Variants in PIWIL2 observed in about 807,000 individuals in gnomAD.
The protein encoded by PIWIL2 is piwi like RNA-mediated gene silencing 2, also known as piwi-like protein 2.
PIWIL2 carries 81 observed loss-of-function variants against 116.5 expected under a neutral mutation model. The ratio of observed to expected loss-of-function variants is 0.70; its 90% CI spans 0.58 to 0.84. The LOEUF (loss-of-function observed/expected upper bound fraction) is 0.84, where lower values mean the gene tolerates loss of function less well. PIWIL2 is among the 40% of genes least tolerant of loss of function. The pLI is 0.00. For missense variants in PIWIL2, 1,272 were observed against 1,212.3 expected, an observed-to-expected ratio of 1.05 and a Z score of -0.73; for synonymous variants, 489 against 429.5, an observed-to-expected ratio of 1.14 and a Z score of -1.71.
chr8:22,325,983 T>A (rs978642989), intron 20 of PIWIL2, among the ~76,000 whole-genome samples: 2 of 152,122 alleles, frequency 1.3e-5, no homozygotes, highest in Non-Finnish European at 2.9e-5. Flanking sequence ...CACTCTCTTG[T>A]TCAGAAAGAA....
intron 20 of PIWIL2, among the ~76,000 whole-genome samples, chr8:22,344,652 G>C (rs1832184467): frequency 6.6e-6 from 1 of 152,126 alleles, no homozygotes; most frequent in African/African-American, 2.4e-5. Flanking sequence ...AGGATTGCTT[G>C]AGCCCAGGAG....
intron 11 of PIWIL2, 107 bp from the exon 12 acceptor site, chr8:22,304,677 A>G (rs774450194): frequency 1.2e-4 from 74 of 637,384 alleles, no homozygotes; most frequent in Non-Finnish European, 1.9e-4. Context: ...TGACAAGAGT[A>G]TTATGCAAAT....
intron 7 of PIWIL2, among the ~76,000 whole-genome samples, chr8:22,288,115 G>A (rs1017851595): frequency 6.6e-6 from 1 of 152,038 alleles, no homozygotes; most frequent in African/African-American, 2.4e-5. Context: ...TGGCTAACAC[G>A]GTGAAACCCT....
chr8:22,277,598 C>G (rs544888325), intron 1 of PIWIL2, among the ~76,000 whole-genome samples: 1 of 152,066 alleles, frequency 6.6e-6, no homozygotes, highest in South Asian at 2.1e-4. Context: ...CCTCAAACTC[C>G]TGGCCTCAAT....
At chr8:22,334,266 C>A (rs534138262) in intron 20 of PIWIL2, among the ~76,000 whole-genome samples, 1 of 151,796 alleles carries the variant, frequency 6.6e-6, no homozygotes, top group Non-Finnish European at 1.5e-5. Flanking sequence ...TGAGACACCA[C>A]GCCTGGCCCT....
chr8:22,354,684 G>A (rs1389685463), intron 22 of PIWIL2, among the ~76,000 whole-genome samples: 2 of 152,178 alleles, frequency 1.3e-5, no homozygotes, highest in African/African-American at 2.4e-5. Context: ...GTGCCGTTGA[G>A]TTCAGATTAT....
In PIWIL2 at chr8:22,304,843, G is replaced by A; in HGVS notation, c.1430G>A (p.Ser477Asn). 2 of 1,611,010 alleles carry A rather than the reference G, an allele frequency of 1.2e-6. No individual in the cohort carries two copies. Among genetic ancestry groups the A allele is most frequent in the Non-Finnish European group, 1.7e-6 (2 of 1,177,144 alleles). Reference sequence around the variant, plus strand: ...CAGCCATTGCTGATTCACAGGCCCAGTGAGAGACAGGATAATCATGGGATG... The same window carrying A: ...CAGCCATTGCTGATTCACAGGCCCAATGAGAGACAGGATAATCATGGGATG... ...EDQPLLIHRPSERQDNHGMLL... is the reference protein window; with the variant it reads ...EDQPLLIHRPNERQDNHGMLL... The change falls in exon 12 of 23, where the codon AGT (serine) becomes AAT (asparagine). Residue 477 changes from serine to asparagine, a missense_variant. Physicochemically the swap from Ser to Asn is conservative, Grantham distance 46 (BLOSUM62 1). Transcript: ENST00000356766.
In PIWIL2 at chr8:22,349,172, AT is replaced by A. The variant is rs537507885; in HGVS notation, c.2404-3781del. ...CAATGCACGCCACCAGGCCTGGCTT[AT>A]TTTTTGTATTTTTAGTAGAGACGGG... On this transcript the variant is annotated intron_variant, in intron 20 of 22. Coordinates refer to ENST00000356766, the MANE Select transcript of PIWIL2 (RefSeq NM_018068.5). 4.3e-4 allele frequency among the ~76,000 whole-genome samples: 63 copies of A among 147,260 alleles called. 1 individual carries two copies. Among genetic ancestry groups the A allele is most frequent in the African/African-American group, 1.6e-3 (63 of 40,174 alleles).
At chr8:22,322,642 G>A (rs1413574170) in intron 20 of PIWIL2, among the ~76,000 whole-genome samples, 4 of 149,996 alleles carry the variant, frequency 2.7e-5, no homozygotes, top group Non-Finnish European at 5.9e-5. Context: ...TCCTTTCCTT[G>A]TCCTGTCCTT....
Position 22,356,837 on chromosome 8 carries a change from A to AC in PIWIL2, c.*1335dup, listed in dbSNP as rs1235405550. 2.6e-5 allele frequency: 4 copies of AC among 151,550 alleles called. No individual in the cohort carries two copies. The highest frequency in any genetic ancestry group is 7.3e-5 in the African/African-American group (3 of 41,272). 9.4% of individuals were successfully genotyped at this position (151,550 alleles called of 1,614,324 possible). On this transcript the variant is annotated 3_prime_UTR_variant, in exon 23 of 23. Coordinates refer to ENST00000356766, the MANE Select transcript of PIWIL2 (RefSeq NM_018068.5). The stretch of plus-strand genomic sequence containing the variant: ...ACCATGGGTTTCAGTGTTTTTGGAA[A>AC]CCCGTTTTTTTCTGGTTTTTTTTCC...
intron 10 of PIWIL2, among the ~76,000 whole-genome samples, chr8:22,303,199 A>C (rs962628787): frequency 1.3e-5 from 2 of 152,190 alleles, no homozygotes; most frequent in Non-Finnish European, 2.9e-5. Flanking sequence ...GATTGTGGTA[A>C]CCTATAGATG....
At chr8:22,283,644 CGTG>C (rs1830564578) in intron 5 of PIWIL2, among the ~76,000 whole-genome samples, 1 of 152,094 alleles carries the variant, frequency 6.6e-6, no homozygotes, top group South Asian at 2.1e-4. Context: ...CTCCTGACCT[CGTG>C]ATCCACCCGC....
At chr8:22,346,041 A>T (rs1029131143) in intron 20 of PIWIL2, among the ~76,000 whole-genome samples, 2 of 152,050 alleles carry the variant, frequency 1.3e-5, no homozygotes, top group Non-Finnish European at 2.9e-5. Context: ...AAGTAATAAA[A>T]AACCATTTAA....
At chr8:22,335,628 G>C (rs1309960417) in intron 20 of PIWIL2, among the ~76,000 whole-genome samples, 1 of 147,472 alleles carries the variant, frequency 6.8e-6, no homozygotes, top group Non-Finnish European at 1.5e-5. Flanking sequence ...GCTCACTGCA[G>C]CGTCTGCCTC....
At chr8:22,340,349 G>T (rs903427564) in intron 20 of PIWIL2, among the ~76,000 whole-genome samples, 2 of 152,076 alleles carry the variant, frequency 1.3e-5, no homozygotes, top group East Asian at 1.9e-4. Context: ...GAGCCACCAC[G>T]CCTGGCCTAT....
rs1186604590 is a variant in PIWIL2 at position 22,352,969 on chromosome 8, G to A, written c.2414G>A (p.Cys805Tyr). 6.2e-7 allele frequency: 1 copy of A among 1,612,524 alleles called. No homozygotes were observed. Among genetic ancestry groups the A allele is most frequent in the Admixed American group, 1.7e-5 (1 of 59,980 alleles). ...TCGCTGTCATTTCAGGTGAACCACT[G>A]TCTACCAGAGAAGATTGTGGTGTAC... ...SLKKFYEVNHCLPEKIVVYRD... is the reference protein window; with the variant it reads ...SLKKFYEVNHYLPEKIVVYRD... Residue 805 changes from cysteine to tyrosine, a missense_variant, in exon 21 of 23, where the codon TGT becomes TAT. Coordinates refer to ENST00000356766, the MANE Select transcript of PIWIL2 (RefSeq NM_018068.5).
intron 14 of PIWIL2, 35 bp from the exon 15 acceptor site, chr8:22,309,926 A>G: frequency 7.9e-7 from 1 of 1,263,268 alleles, no homozygotes; most frequent in South Asian, 1.2e-5. Context: ...GCGTTTGAAA[A>G]GGCTCATGTC....
At chr8:22,323,243 G>A (rs986011296) in intron 20 of PIWIL2, among the ~76,000 whole-genome samples, 3 of 149,912 alleles carry the variant, frequency 2.0e-5, no homozygotes, top group African/African-American at 7.4e-5. Flanking sequence ...CGCCTCCCGG[G>A]TTCAAGCAAT....
rs139570286 is a variant in PIWIL2, at chr8:22,288,600, A to G, written c.920A>G (p.Gln307Arg). The G allele has an allele frequency of 7.0e-4, 1,127 of 1,612,756 alleles. 6 individuals are homozygous for G. In the Middle Eastern group the frequency reaches 0.014, roughly 20 times the overall value. The change falls in exon 8 of 23, where the codon CAG becomes CGG. Residue 307 changes from glutamine (Q) to arginine (R), a missense_variant. By Grantham distance (43) the Gln-to-Arg change is conservative (BLOSUM62 1). Coordinates refer to ENST00000356766, the MANE Select transcript of PIWIL2 (RefSeq NM_018068.5). The stretch of plus-strand genomic sequence containing the variant: ...AGTGCTGAAATCAGCATTAAGATTC[A>G]GATGACAAAGATCCTGGAGCCCTGC... ...TDSAEISIKIQMTKILEPCSD... is the reference protein window; with the variant it reads ...TDSAEISIKIRMTKILEPCSD...
Sources: allele counts gnomAD v4.1 joint callset (sites outside exome capture counted in the v4.1 genomes callset), GRCh38; gene constraint gnomAD v4.1.1; transcripts MANE v1.5; gene names NCBI Gene and HGNC (gene_info 2026-07-23, HGNC 2026-07-21).